The following TBXT variants were observed in gnomAD, a reference collection of about 807,000 sequenced individuals.
TBXT encodes T brachyury transcription factor.
Under a neutral mutation model 41.1 loss-of-function variants are expected in TBXT, and 19 were observed. That is an observed-to-expected ratio of 0.46 (90% CI 0.32 to 0.68). TBXT has a LOEUF of 0.68. TBXT is among the 30% of genes least tolerant of loss of function. TBXT has a pLI of 0.03. For synonymous variants in TBXT, 213 were observed against 238.9 expected (o/e 0.89, Z 1.00); for missense variants, 536 against 582.0 (o/e 0.92, Z 0.81).
chr6:166,166,484 G>C, intron 2 of TBXT, 108 bp downstream of exon 2: 1 of 1,558,408 alleles, frequency 6.4e-7, no homozygotes, highest in South Asian at 1.1e-5. Context: ...CTCCAGGGCA[G>C]ACGTCGCCTC....
At position 166,165,695 on chromosome 6, in the gene TBXT, G is replaced by A. The variant is rs1242731593; in HGVS notation, c.606+11C>T. ...CACACCGGGAAAGCGATCCGCCTCT[G>A]TCCTTCTCACCTCCTCGTTCTGATA... On this transcript the variant is annotated intron_variant, in intron 3 of 7. Transcript: ENST00000366876. 6.2e-7 allele frequency: 1 copy of A among 1,613,698 alleles called. No individual in the cohort carries two copies. The highest frequency in any genetic ancestry group is 1.3e-5 in the African/African-American group (1 of 74,894).
In TBXT at chr6:166,160,946, C is replaced by G; in HGVS notation, c.928G>C (p.Ala310Pro). 2 of 1,613,990 alleles carry G rather than the reference C, an allele frequency of 1.2e-6. No homozygotes were observed. The highest frequency in any genetic ancestry group is 3.3e-5 in the Admixed American group (2 of 60,026). The change falls in exon 7 of 8, where the codon GCA becomes CCA. Residue 310 changes from alanine (A) to proline (P), a missense_variant. Ala to Pro is a conservative substitution (Grantham distance 27). Transcript: ENST00000366876. ...NSPTYSDNSP[A>P]CLSMLQSHDN... is the part of the protein sequence containing the mutation. Reference sequence around the variant, plus strand: ...TGGGATTGCAGCATGGATAAACATGCAGGTGAGTTGTCAGAATAGGCTAAG... The same window carrying G: ...TGGGATTGCAGCATGGATAAACATGGAGGTGAGTTGTCAGAATAGGCTAAG...
chr6:166,164,475 G>A, intron 5 of TBXT, 130 bp downstream of exon 5: 1 of 1,098,260 alleles, frequency 9.1e-7, no homozygotes, highest in Non-Finnish European at 1.4e-6. Context: ...AGCCTCGCAT[G>A]GCAAAAAGGC....
intron 2 of TBXT, 140 bp downstream of exon 2, chr6:166,166,451 AT>A: frequency 7.5e-7 from 1 of 1,336,766 alleles, no homozygotes; most frequent in Non-Finnish European, 1.0e-6. Flanking sequence ...TAAAGGCCTT[AT>A]TAGAGAAGGC....
intron 7 of TBXT, among the ~76,000 whole-genome samples, chr6:166,159,335 C>T (rs776357967): frequency 2.6e-5 from 4 of 151,850 alleles, no homozygotes; most frequent in South Asian, 2.1e-4. Flanking sequence ...GTGATTCTCA[C>T]GATGAAGACC....
intron 1 of TBXT, among the ~76,000 whole-genome samples, chr6:166,167,074 C>A (rs962450972): frequency 1.3e-5 from 2 of 152,218 alleles, no homozygotes; most frequent in Admixed American, 1.3e-4. Flanking sequence ...AGGAGAGGAC[C>A]TGGCGAAGGG....
At chr6:166,161,866 T>C (rs528398729) in intron 6 of TBXT, among the ~76,000 whole-genome samples, 1 of 152,254 alleles carries the variant, frequency 6.6e-6, no homozygotes, top group Non-Finnish European at 1.5e-5. Flanking sequence ...GAGCTTGCAG[T>C]GAGCCGAGAT....
intron 1 of TBXT, 127 bp from the exon 2 acceptor site, chr6:166,166,983 G>T: frequency 6.6e-7 from 1 of 1,507,886 alleles, no homozygotes; most frequent in Non-Finnish European, 9.0e-7. Context: ...GTCCGAGGGT[G>T]ACTCCCAAGC....
intron 3 of TBXT, 64 bp downstream of exon 3, chr6:166,165,642 C>G (rs541130212): frequency 1.9e-6 from 3 of 1,611,802 alleles, no homozygotes; most frequent in South Asian, 1.1e-5. Flanking sequence ...CCTCCAGAAT[C>G]TCCACGGAGC....
intron 5 of TBXT, 87 bp from the exon 6 acceptor site, chr6:166,162,710 CCA>C (rs1778997239): frequency 1.8e-6 from 2 of 1,085,756 alleles, no homozygotes; most frequent in African/African-American, 3.0e-5. Context: ...GACTGTCCCT[CCA>C]TCACTCCAGA....
In TBXT at chr6:166,158,563, T is replaced by C; in HGVS notation, c.1063A>G (p.Ser355Gly). The change falls in exon 8 of 8, where the codon AGC becomes GGC. Residue 355 changes from serine to glycine, a missense_variant. Physicochemically the swap from Ser to Gly is moderately conservative, Grantham distance 56. Transcript: ENST00000366876. ...SSQYPSLWSV[S>G]NGAVTPGSQA... is the part of the protein sequence containing the mutation. ...GAGCCCGGGGTGACGGCGCCGTTGC[T>C]CACAGACCACAGGCTGGGGTACTGA... 6.3e-7 allele frequency: 1 copy of C among 1,575,430 alleles called. No individual in the cohort carries two copies. The highest frequency in any genetic ancestry group is 8.6e-7 in the Non-Finnish European group (1 of 1,157,340).
chr6:166,165,267 A>C (rs1413811150), intron 3 of TBXT, among the ~76,000 whole-genome samples: 3 of 152,102 alleles, frequency 2.0e-5, no homozygotes, highest in Non-Finnish European at 4.4e-5. Context: ...GCTTAGGCAT[A>C]GATTTACAGG....
chr6:166,158,366 G>A lies in TBXT; in HGVS notation c.1260C>T (p.Ala420=). 1 of 1,614,230 alleles carries A rather than the reference G, an allele frequency of 6.2e-7. No homozygotes were observed. The highest frequency in any genetic ancestry group is 1.1e-5 in the South Asian group (1 of 91,084). Residue 420 remains alanine, a synonymous_variant, in exon 8 of 8, where the codon GCC becomes GCT. Transcript: ENST00000366876. ...TCCATGAGGCTATGAGGCGGCCTTG[G>A]GCTGCGGCGTCGTACTGGCTGTCCA... ...DIVDSQYDAA[A]QGRLIASWTP... is the part of the protein sequence containing the mutation.
chr6:166,164,504 C>T, intron 5 of TBXT, 101 bp downstream of exon 5: 1 of 1,399,236 alleles, frequency 7.1e-7, no homozygotes, highest in Non-Finnish European at 1.0e-6. Context: ...ATCCCAGGCA[C>T]ACCCAGAAAC....
rs374566002 is a variant in TBXT at position 166,165,712 on chromosome 6, G to A, written c.600C>T (p.Asn200=). The change falls in exon 3 of 8, where the codon AAC becomes AAT. Residue 200 remains asparagine, a synonymous_variant. Coordinates refer to ENST00000366876, the MANE Select transcript of TBXT (RefSeq NM_001366285.2). The part of the protein sequence containing the change: ...TQFIAVTAYQ[N]EEITALKIKY... ...CCGCCTCTGTCCTTCTCACCTCCTC[G>A]TTCTGATAAGCAGTCACCGCTATGA... 2.5e-6 allele frequency: 4 copies of A among 1,614,082 alleles called. No individual in the cohort carries two copies. The highest frequency in any genetic ancestry group is 2.2e-5 in the East Asian group (1 of 44,888).
At chr6:166,162,323 C>G in intron 6 of TBXT, 124 bp downstream of exon 6, 1 of 1,095,762 alleles carries the variant, frequency 9.1e-7, no homozygotes, top group South Asian at 1.4e-5. Context: ...AAAAACTGGG[C>G]TTGGGTATGT....
At chr6:166,164,513 A>G (rs1160400684) in intron 5 of TBXT, 92 bp downstream of exon 5, 2 of 1,481,422 alleles carry the variant, frequency 1.4e-6, no homozygotes, top group Non-Finnish European at 1.9e-6. Flanking sequence ...ACACCCAGAA[A>G]CACCCTTGTC....
chr6:166,163,754 C>T (rs573392404), intron 5 of TBXT, among the ~76,000 whole-genome samples: 2 of 152,354 alleles, frequency 1.3e-5, no homozygotes, highest in Admixed American at 1.3e-4. Flanking sequence ...ACTACTGTGG[C>T]TTCAATTTCC....
In TBXT at chr6:166,165,760, G is replaced by T. The variant is rs1269682866; in HGVS notation, c.552C>A (p.Ser184Arg). ...TGAACTGGGTCTCAGGGAAGCAGTG[G>T]CTGGTGATCATGCGCTGTGGACCCC... is the stretch of plus-strand genomic sequence containing the variant. ...RVGGPQRMIT[S>R]HCFPETQFIA... The change falls in exon 3 of 8, where the codon AGC becomes AGA. Residue 184 changes from serine (S) to arginine (R), a missense_variant. Transcript: ENST00000366876. The T allele has an allele frequency of 1.9e-6, 3 of 1,614,104 alleles. No individual in the cohort carries two copies. The East Asian group carries it at 6.7e-5, about 36-fold the overall frequency.
Sources: gnomAD v4.1 joint callset for allele counts (sites outside exome capture counted in the v4.1 genomes callset) on GRCh38, gnomAD v4.1.1 for gene constraint, MANE v1.5 for transcripts, NCBI Gene and HGNC (gene_info 2026-07-23, HGNC 2026-07-21) for gene names.